The following IL1RAPL2 variants were observed in gnomAD, a reference collection of about 807,000 sequenced individuals.
IL1RAPL2 encodes the protein X-linked interleukin-1 receptor accessory protein-like 2.
IL1RAPL2 carries 3 observed loss-of-function variants against 44.1 expected under a neutral mutation model. That is an observed-to-expected ratio of 0.07 (90% confidence interval 0.03 to 0.18). The LOEUF (loss-of-function observed/expected upper bound fraction) is 0.18, where lower values mean the gene tolerates loss of function less well. Among genes scored for constraint, IL1RAPL2 ranks in the 10% least tolerant of loss-of-function variants. The pLI, the probability that IL1RAPL2 is intolerant of heterozygous loss-of-function variation, is 1.00. For synonymous variants in IL1RAPL2, 181 were observed against 178.8 expected, an observed-to-expected ratio of 1.01 and a Z score of -0.10; for missense variants, 391 against 496.4, an observed-to-expected ratio of 0.79 and a Z score of 2.02.
chrX:105,525,039 C>A (rs1425254494), intron 6 of IL1RAPL2, among the ~76,000 whole-genome samples: 1 of 111,282 alleles, frequency 9.0e-6, no homozygotes, highest in South Asian at 3.7e-4. Flanking sequence ...AGGATATTTT[C>A]TTGTTGCTGC....
chrX:104,625,494 A>G (rs1929486364), intron 1 of IL1RAPL2, among the ~76,000 whole-genome samples: 1 of 111,564 alleles, frequency 9.0e-6, no homozygotes, highest in Non-Finnish European at 1.9e-5. Flanking sequence ...TCAACATTAT[A>G]TTATAATATT....
At chrX:105,447,107 A>ATATATAT (rs1491220948) in intron 5 of IL1RAPL2, among the ~76,000 whole-genome samples, 38 of 32,694 alleles carry the variant, frequency 1.2e-3, no homozygotes, top group Non-Finnish European at 1.2e-3. Flanking sequence ...ATATATATAT[A>ATATATAT]AAAATATATA....
At chrX:105,245,566 A>T (rs1384829903) in intron 4 of IL1RAPL2, among the ~76,000 whole-genome samples, 1 of 112,696 alleles carries the variant, frequency 8.9e-6, no homozygotes, top group African/African-American at 3.2e-5. Flanking sequence ...TATAAATAGG[A>T]TTTAGACATT....
intron 5 of IL1RAPL2, among the ~76,000 whole-genome samples, chrX:105,456,413 T>C (rs1292133650): frequency 9.0e-6 from 1 of 111,712 alleles, no homozygotes; most frequent in Admixed American, 9.5e-5. Context: ...TCAAGGGGAA[T>C]GCCTCCAGCT....
At chrX:105,731,325 A>G (rs2038404159) in intron 7 of IL1RAPL2, among the ~76,000 whole-genome samples, 1 of 111,063 alleles carries the variant, frequency 9.0e-6, no homozygotes, top group African/African-American at 3.3e-5. Flanking sequence ...TGAATAAAAA[A>G]GAAAGTGAAC....
intron 5 of IL1RAPL2, among the ~76,000 whole-genome samples, chrX:105,410,557 T>C (rs768372741): frequency 9.0e-6 from 1 of 111,488 alleles, no homozygotes; most frequent in Non-Finnish European, 1.9e-5. Flanking sequence ...TTCTTCACAC[T>C]ATTTCCCCTC....
At chrX:105,244,771 G>A (rs1428930952) in intron 4 of IL1RAPL2, among the ~76,000 whole-genome samples, 1 of 112,203 alleles carries the variant, frequency 8.9e-6, no homozygotes, top group African/African-American at 3.2e-5. Flanking sequence ...CTTTAATTGA[G>A]CAAAGAATGA....
At chrX:105,218,646 A>G (rs1556171054) in intron 3 of IL1RAPL2, among the ~76,000 whole-genome samples, 1 of 110,182 alleles carries the variant, frequency 9.1e-6, no homozygotes. Flanking sequence ...ATTGAGTGCA[A>G]GTGCTCTGGA....
At chrX:105,744,806 A>C (rs2038527428) in intron 8 of IL1RAPL2, among the ~76,000 whole-genome samples, 1 of 111,580 alleles carries the variant, frequency 9.0e-6, no homozygotes, top group African/African-American at 3.3e-5. Context: ...GTTCATCCTA[A>C]ATTTTTTCTT....
chrX:105,717,354 C>G lies in IL1RAPL2; in HGVS notation c.773-13C>G, dbSNP rs1320978643. ...AGGAGTCATTTGCTCATTTCTTTTT[C>G]TCTCATTCTCAGGTAAGCCTCTGAA... On this transcript the variant is annotated splice_polypyrimidine_tract_variant and intron_variant, in intron 6 of 10. Transcript: ENST00000372582. 5.1e-6 allele frequency: 6 copies of G among 1,165,554 alleles called. No homozygotes were observed. Among genetic ancestry groups the G allele is most frequent in the Non-Finnish European group, 6.9e-6 (6 of 872,696 alleles).
At chrX:104,923,458 T>C (rs944173457) in intron 2 of IL1RAPL2, among the ~76,000 whole-genome samples, 2 of 112,101 alleles carry the variant, frequency 1.8e-5, no homozygotes, top group Non-Finnish European at 1.9e-5. Context: ...ACAGTGGACT[T>C]ATCAGCAGAA....
intron 2 of IL1RAPL2, among the ~76,000 whole-genome samples, chrX:104,675,568 A>G (rs1441429765): frequency 9.0e-6 from 1 of 111,099 alleles, no homozygotes; most frequent in East Asian, 2.8e-4. Context: ...AAAAAAATGT[A>G]TATTCTGTTT....
In IL1RAPL2 at chrX:105,552,836, CA is replaced by C. The variant is rs1056038715; in HGVS notation, c.772+68457del. On this transcript the variant is annotated intron_variant, in intron 6 of 10. Coordinates refer to ENST00000372582, the MANE Select transcript of IL1RAPL2 (RefSeq NM_017416.2). ...ACATATTATTGCACTTGTTCAATAA[CA>C]AAAAAAATTTCAATTACAGTTCACA... Among the ~76,000 whole-genome samples the C allele has an allele frequency of 5.5e-4, 61 of 111,469 alleles. 1 individual carries two copies. Among genetic ancestry groups the C allele is most frequent in the Non-Finnish European group, 1.0e-3 (54 of 53,013 alleles).
At chrX:105,500,045 G>A (rs1200053541) in intron 6 of IL1RAPL2, among the ~76,000 whole-genome samples, 2 of 111,712 alleles carry the variant, frequency 1.8e-5, no homozygotes, top group Non-Finnish European at 3.8e-5. Context: ...AATGAACCTT[G>A]AAGACATTAT....
chrX:105,417,289 A>G (rs917302646), intron 5 of IL1RAPL2, among the ~76,000 whole-genome samples: 3 of 112,141 alleles, frequency 2.7e-5, no homozygotes, highest in African/African-American at 9.7e-5. Flanking sequence ...CCTGGCCGAC[A>G]TGGTGAAACC....
chrX:105,574,660 A>C (rs1345432929), intron 6 of IL1RAPL2, among the ~76,000 whole-genome samples: 1 of 112,196 alleles, frequency 8.9e-6, no homozygotes, highest in Non-Finnish European at 1.9e-5. Context: ...GAAGCTAGAT[A>C]GCAAGTGGTT....
intron 2 of IL1RAPL2, among the ~76,000 whole-genome samples, chrX:104,886,868 T>C (rs1378378195): frequency 8.9e-6 from 1 of 112,145 alleles, no homozygotes; most frequent in African/African-American, 3.2e-5. Flanking sequence ...GTCCAGGCAC[T>C]CTGGCCCTTC....
chrX:105,374,351 G>GT (rs1230252625), intron 5 of IL1RAPL2, among the ~76,000 whole-genome samples: 4 of 110,639 alleles, frequency 3.6e-5, no homozygotes, highest in Non-Finnish European at 3.8e-5. Context: ...TTTTAAAATA[G>GT]TTTTTTTATT....
chrX:105,667,387 G>A (rs2037779671), intron 6 of IL1RAPL2, among the ~76,000 whole-genome samples: 1 of 111,962 alleles, frequency 8.9e-6, no homozygotes, highest in Admixed American at 9.5e-5. Flanking sequence ...TTTGTAAATG[G>A]CGTTTTACTG....
Sources: allele counts gnomAD v4.1 joint callset (sites outside exome capture counted in the v4.1 genomes callset), GRCh38; gene constraint gnomAD v4.1.1; transcripts MANE v1.5; gene names NCBI Gene and HGNC (gene_info 2026-07-23, HGNC 2026-07-21).